KCNMA1: variants seen among roughly 807,000 people sequenced by gnomAD.
KCNMA1 encodes the protein potassium calcium-activated channel subfamily M alpha 1.
KCNMA1 carries 29 observed loss-of-function variants against 140.0 expected under a neutral mutation model. That is an observed-to-expected ratio of 0.21 (90% CI 0.15 to 0.28). The LOEUF (loss-of-function observed/expected upper bound fraction) is 0.28. Among genes scored for constraint, KCNMA1 ranks in the 10% least tolerant of loss-of-function variants. The pLI is 1.00. For synonymous variants in KCNMA1, 612 were observed against 611.9 expected, an observed-to-expected ratio of 1.00 and a Z score of 0.00; for missense variants, 880 against 1,602.2, an observed-to-expected ratio of 0.55 and a Z score of 7.70.
At chr10:77,323,751 T>C (rs2083049236) in intron 2 of KCNMA1, among the ~76,000 whole-genome samples, 1 of 152,244 alleles carries the variant, frequency 6.6e-6, no homozygotes, top group South Asian at 2.1e-4. Flanking sequence ...TGTATCACTA[T>C]AAACCCTAGC....
chr10:77,443,940 A>G (rs7923095), intron 1 of KCNMA1, among the ~76,000 whole-genome samples: 14,105 of 152,272 alleles, frequency 0.093, 784 homozygotes, highest in South Asian at 0.15. Flanking sequence ...AAAGACAAAT[A>G]TTTAATATGA....
At chr10:77,238,064 A>T (rs2056151416) in intron 3 of KCNMA1, among the ~76,000 whole-genome samples, 1 of 152,160 alleles carries the variant, frequency 6.6e-6, no homozygotes, top group Non-Finnish European at 1.5e-5. Context: ...GCTTGGAGGC[A>T]GGTGAGGTCA....
intron 17 of KCNMA1, 47 bp from the exon 18 acceptor site, chr10:77,012,090 A>T: frequency 6.2e-7 from 1 of 1,611,828 alleles, no homozygotes; most frequent in Non-Finnish European, 8.5e-7. Flanking sequence ...AATCCACCCA[A>T]ATGAAATGAG....
chr10:77,255,364 C>T lies in KCNMA1; in HGVS notation c.541-4108G>A, dbSNP rs1404456912. ...CCTGTAATCCCAGCACTTTGGGAGG[C>T]CATGACAGGTGGATCACTTGAGGCC... On this transcript the variant is annotated intron_variant, in intron 2 of 27. Transcript: ENST00000286628. 2.6e-5 allele frequency among the ~76,000 whole-genome samples: 4 copies of T among 151,966 alleles called. No homozygotes were observed. The East Asian group carries it at 7.7e-4, about 29-fold the overall frequency.
intron 2 of KCNMA1, among the ~76,000 whole-genome samples, chr10:77,371,977 A>G (rs2154415303): frequency 6.6e-6 from 1 of 152,254 alleles, no homozygotes; most frequent in African/African-American, 2.4e-5. Context: ...TATCTTACCT[A>G]CCTTCACATA....
chr10:76,895,089 C>T (rs2041921557), intron 25 of KCNMA1, among the ~76,000 whole-genome samples: 1 of 152,218 alleles, frequency 6.6e-6, no homozygotes, highest in African/African-American at 2.4e-5. Flanking sequence ...TAGAAAAGCA[C>T]TGTGAAAATC....
intron 2 of KCNMA1, among the ~76,000 whole-genome samples, chr10:77,263,974 G>T (rs1323127836): frequency 6.6e-6 from 1 of 152,034 alleles, no homozygotes; most frequent in Non-Finnish European, 1.5e-5. Flanking sequence ...AGAAATAAAT[G>T]GTATTTTTGT....
At chr10:77,562,419 A>C (rs746697779) in intron 1 of KCNMA1, among the ~76,000 whole-genome samples, 8 of 152,254 alleles carry the variant, frequency 5.3e-5, no homozygotes, top group Non-Finnish European at 1.0e-4. Flanking sequence ...CTGTTGTCAG[A>C]AACAGTAAAA....
intron 18 of KCNMA1, among the ~76,000 whole-genome samples, chr10:77,002,981 T>C (rs1033498620): frequency 6.6e-6 from 1 of 152,210 alleles, no homozygotes; most frequent in African/African-American, 2.4e-5. Context: ...TTTTAAAATA[T>C]GGCTTGTGGT....
At chr10:77,014,781 C>T (rs1379100778) in intron 17 of KCNMA1, among the ~76,000 whole-genome samples, 1 of 152,206 alleles carries the variant, frequency 6.6e-6, no homozygotes, top group East Asian at 1.9e-4. Flanking sequence ...TGATCTGGAG[C>T]AGGCAGAGTA....
intron 25 of KCNMA1, among the ~76,000 whole-genome samples, chr10:76,892,133 T>C (rs1464730407): frequency 6.6e-6 from 1 of 152,190 alleles, no homozygotes; most frequent in African/African-American, 2.4e-5. Context: ...TGAGGCCCTG[T>C]CATCCATGTG....
chr10:77,300,965 G>A (rs888405767), intron 2 of KCNMA1, among the ~76,000 whole-genome samples: 4 of 152,260 alleles, frequency 2.6e-5, no homozygotes, highest in African/African-American at 7.2e-5. Flanking sequence ...AGTGAGGCCC[G>A]GGCATCAGCA....
At chr10:77,218,524 T>A (rs1420471344) in intron 3 of KCNMA1, among the ~76,000 whole-genome samples, 1 of 152,014 alleles carries the variant, frequency 6.6e-6, no homozygotes, top group East Asian at 1.9e-4. Flanking sequence ...CTGCAGGCAT[T>A]TTCACTTGCA....
At chr10:77,011,622 T>C (rs2090770232) in intron 18 of KCNMA1, among the ~76,000 whole-genome samples, 1 of 152,190 alleles carries the variant, frequency 6.6e-6, no homozygotes, top group South Asian at 2.1e-4. Flanking sequence ...GAAATCACGA[T>C]ACAAAAACAC....
intron 1 of KCNMA1, among the ~76,000 whole-genome samples, chr10:77,533,313 A>C (rs2058125683): frequency 6.6e-6 from 1 of 152,166 alleles, no homozygotes; most frequent in Non-Finnish European, 1.5e-5. Context: ...CAACACACAG[A>C]AGCGGCTGCA....
chr10:77,051,122 A>G (rs2095346724), intron 14 of KCNMA1, among the ~76,000 whole-genome samples: 1 of 152,164 alleles, frequency 6.6e-6, no homozygotes, highest in South Asian at 2.1e-4. Flanking sequence ...TTGCATCCCT[A>G]ATTTCTATTC....
chr10:77,625,975 A>G (rs1420711759), intron 1 of KCNMA1, among the ~76,000 whole-genome samples: 1 of 151,960 alleles, frequency 6.6e-6, no homozygotes, highest in Non-Finnish European at 1.5e-5. Context: ...CAAACACTGC[A>G]CAAGGGTTCC....
chr10:77,152,165 T>C (rs558289410), intron 5 of KCNMA1, among the ~76,000 whole-genome samples: 4 of 152,310 alleles, frequency 2.6e-5, no homozygotes, highest in African/African-American at 7.2e-5. Flanking sequence ...AAGGGGTACA[T>C]AGCAGGTGCT....
intron 14 of KCNMA1, among the ~76,000 whole-genome samples, chr10:77,049,375 A>G (rs969487896): frequency 2.6e-5 from 4 of 152,222 alleles, no homozygotes; most frequent in Non-Finnish European, 5.9e-5. Context: ...GCTGAATGAG[A>G]TGATCAGTAC....
Sources: gnomAD v4.1 joint callset for allele counts (sites outside exome capture counted in the v4.1 genomes callset) on GRCh38, gnomAD v4.1.1 for gene constraint, MANE v1.5 for transcripts, NCBI Gene and HGNC (gene_info 2026-07-23, HGNC 2026-07-21) for gene names.